CELSR1: variants seen among roughly 807,000 people sequenced by gnomAD.
CELSR1 encodes cadherin EGF LAG seven-pass G-type receptor 1.
Under a neutral mutation model 249.1 loss-of-function variants are expected in CELSR1, and 110 were observed. The observed-to-expected ratio is 0.44, with a 90% CI of 0.38 to 0.52. CELSR1 has a LOEUF of 0.52. Among genes scored for constraint, CELSR1 ranks in the 20% least tolerant of loss-of-function variants. The probability of loss-of-function intolerance (pLI) is 0.00; values close to 1 mark genes in which losing one functional copy is unlikely to be tolerated. For synonymous variants in CELSR1, 2,113 were observed against 1,900.0 expected (o/e 1.11, Z -2.92); for missense variants, 4,109 against 4,296.4 (o/e 0.96, Z 1.22).
intron 31 of CELSR1, 58 bp from the exon 32 acceptor site, chr22:46,365,438 G>A (rs986311574): frequency 4.1e-5 from 66 of 1,595,968 alleles, no homozygotes; most frequent in Middle Eastern, 1.7e-4. Context: ...GAGTCCCACC[G>A]AGGGCCAAGC....
chr22:46,536,723 G>T lies in CELSR1; in HGVS notation c.448C>A (p.Pro150Thr). Residue 150 changes from proline to threonine, a missense_variant, in exon 1 of 35, where the codon CCG becomes ACG. This residue lies in a region of CELSR1 where 673 missense variants were observed against 636.8 expected (regional missense o/e 1.06). Transcript: ENST00000674500. ...CAGCGGCAGGCGGGTAAGGTGGTCG[G>T]AGCTGCGAGCGCCGAATGCTGCGCG... Reference protein sequence around the residue: ...AAAQHSALAAPTTLPACRCPP... With the variant: ...AAAQHSALAATTTLPACRCPP... 1 of 1,179,280 alleles carries T rather than the reference G, an allele frequency of 8.5e-7. No individual in the cohort carries two copies. The highest frequency in any genetic ancestry group is 4.7e-5 in the Admixed American group (1 of 21,364). 73.1% of individuals were successfully genotyped at this position (1,179,280 alleles called of 1,614,324 possible).
intron 22 of CELSR1, 83 bp from the exon 23 acceptor site, chr22:46,378,800 T>C: frequency 1.3e-6 from 2 of 1,521,656 alleles, no homozygotes; most frequent in Non-Finnish European, 8.9e-7. Context: ...TGCCCAGCCC[T>C]GGGGGCTCCC....
Position 46,472,222 on chromosome 22 carries a change from ACAT to A in CELSR1, c.3545-7880_3545-7878del, listed in dbSNP as rs2080163022. Among the ~76,000 whole-genome samples the A allele has an allele frequency of 6.6e-6, 1 of 152,216 alleles. No homozygotes were observed. The highest frequency in any genetic ancestry group is 6.5e-5 in the Admixed American group (1 of 15,276). On this transcript the variant is annotated intron_variant, in intron 1 of 34. Coordinates refer to ENST00000674500, the MANE Select transcript of CELSR1 (RefSeq NM_001378328.1). This position sits in a 1 kb window ranked among gnomAD's most constrained non-coding sequence, Gnocchi z 7.0. ...GGCAGGTGCTGTACAAACGTGAACC[ACAT>A]CATGGGAAGGAACTTTCTGGGTCTT...
Position 46,363,357 on chromosome 22 carries a change from G to T in CELSR1, c.9036-110C>A. ...GCAGGATCACCCCATCAGGGTAGAG[G>T]GGGCGTCTGGGGGCTCCAGGGAGGG... On this transcript the variant is annotated intron_variant, in intron 34 of 34. Transcript: ENST00000674500. This position sits in a 1 kb window ranked among gnomAD's most constrained non-coding sequence, Gnocchi z 4.3. 1.2e-6 allele frequency: 1 copy of T among 843,014 alleles called. No homozygotes were observed. The highest frequency in any genetic ancestry group is 1.9e-6 in the Non-Finnish European group (1 of 538,904). The allele number at this position is 843,014 out of a possible 1,614,324, so 52.2% of individuals were successfully genotyped here.
chr22:46,403,064 T>A (rs535713760), intron 9 of CELSR1, among the ~76,000 whole-genome samples: 4 of 152,182 alleles, frequency 2.6e-5, no homozygotes, highest in African/African-American at 4.8e-5. Flanking sequence ...AGGAATTTCA[T>A]AATGATAACC....
chr22:46,477,569 G>A (rs1264463864), intron 1 of CELSR1, among the ~76,000 whole-genome samples: 3 of 149,574 alleles, frequency 2.0e-5, no homozygotes, highest in African/African-American at 7.4e-5. Context: ...GAGTGCAGTG[G>A]CACAATCGGC....
intron 2 of CELSR1, among the ~76,000 whole-genome samples, chr22:46,455,790 G>C (rs1344420368): frequency 6.6e-6 from 1 of 152,184 alleles, no homozygotes; most frequent in African/African-American, 2.4e-5. Flanking sequence ...CCCCAGCTTT[G>C]GGGAAAGAAA....
At chr22:46,442,286 T>C (rs1189151775) in intron 2 of CELSR1, among the ~76,000 whole-genome samples, 3 of 152,374 alleles carry the variant, frequency 2.0e-5, no homozygotes, top group East Asian at 3.9e-4. Flanking sequence ...TGCACTCAGA[T>C]TCCGCCTCCC....
Position 46,411,628 on chromosome 22 carries a change from G to A in CELSR1, c.4743C>T (p.Ala1581=). 6.2e-7 allele frequency: 1 copy of A among 1,614,172 alleles called. No homozygotes were observed. Among genetic ancestry groups the A allele is most frequent in the Non-Finnish European group, 8.5e-7 (1 of 1,180,024 alleles). ...TCTTGGAGCCGGTCTGAGTGCCCTG[G>A]GCAGCGCAGCTGTAGTTCCCGATGT... is the stretch of plus-strand genomic sequence containing the variant. ...GKDIGNYSCA[A]QGTQTGSKKS... The change falls in exon 6 of 35, where the codon GCC becomes GCT. Residue 1581 remains alanine (A), a synonymous_variant. Transcript: ENST00000674500. This position sits in a 1 kb window ranked among gnomAD's most constrained non-coding sequence, Gnocchi z 4.2.
Position 46,454,840 on chromosome 22 carries a change from G to A in CELSR1, c.4183+8867C>T, listed in dbSNP as rs549876800. Among the ~76,000 whole-genome samples the A allele has an allele frequency of 2.3e-4, 35 of 152,348 alleles. No individual in the cohort carries two copies. The highest frequency in any genetic ancestry group is 8.2e-4 in the African/African-American group (34 of 41,584). ...TTCCCAAACTCCTTAGCTCCTCAGC[G>A]AAGGAGCACCCACGGCTGAATTGTG... On this transcript the variant is annotated intron_variant, in intron 2 of 34. Transcript: ENST00000674500. This position sits in a 1 kb window ranked among gnomAD's most constrained non-coding sequence, Gnocchi z 5.1.
In CELSR1 at chr22:46,429,362, A is replaced by G. The variant is rs956020561; in HGVS notation, c.4611+4031T>C. ...GAAAAAACAAACAAACAAACAAACA[A>G]AAAACCAGCCTGGGGTGAAGCAACG... is the stretch of plus-strand genomic sequence containing the variant. On this transcript the variant is annotated intron_variant, in intron 5 of 34. Transcript: ENST00000674500. The surrounding 1 kb of genome is among the most constrained non-coding windows in gnomAD (Gnocchi z 4.1). 6.6e-6 allele frequency among the ~76,000 whole-genome samples: 1 copy of G among 152,116 alleles called. No homozygotes were observed. The highest frequency in any genetic ancestry group is 1.5e-5 in the Non-Finnish European group (1 of 68,020).
intron 1 of CELSR1, among the ~76,000 whole-genome samples, chr22:46,486,768 G>A (rs1021428571): frequency 1.6e-4 from 24 of 151,922 alleles, no homozygotes; most frequent in African/African-American, 5.1e-4. Context: ...GCTTGAACCC[G>A]GGAGGTGGAG....
Position 46,464,050 on chromosome 22 carries a change from C to T in CELSR1, c.3840G>A (p.Leu1280=), listed in dbSNP as rs1031821223. 4 of 1,613,780 alleles carry T rather than the reference C, an allele frequency of 2.5e-6. No individual in the cohort carries two copies. The Admixed American group carries it at 6.7e-5, about 27-fold the overall frequency. Residue 1280 remains leucine (L), a synonymous_variant, in exon 2 of 35, where the codon CTG becomes CTA. Transcript: ENST00000674500. The surrounding 1 kb of genome is among the most constrained non-coding windows in gnomAD (Gnocchi z 8.5). ...TCCGATTCAGGTAGATCTGCTCCTG[C>T]AGGTCCTCCGACGGGAAGAACTGGC... ...VRGQFFPSED[L]QEQIYLNRTL...
At chr22:46,479,569 G>A (rs781184115) in intron 1 of CELSR1, among the ~76,000 whole-genome samples, 1 of 149,948 alleles carries the variant, frequency 6.7e-6, no homozygotes, top group Non-Finnish European at 1.5e-5. Flanking sequence ...GGGTTCCAGG[G>A]GCCAGGGATA....
rs372134553 is a variant in CELSR1, at chr22:46,409,146, C to G, written c.5076G>C (p.Gln1692His). The change falls in exon 9 of 35, where the codon CAG becomes CAC. Residue 1692 changes from glutamine to histidine, a missense_variant. Gln to His is a conservative substitution (Grantham distance 24, BLOSUM62 0). Transcript: ENST00000674500. This position sits in a 1 kb window ranked among gnomAD's most constrained non-coding sequence, Gnocchi z 9.8. Reference sequence around the variant, plus strand: ...ACACGACGCTCTCACCGCTGAAGAGCTGGGGGTGAGGCATGGCTGCGGACA... The same window carrying G: ...ACACGACGCTCTCACCGCTGAAGAGGTGGGGGTGAGGCATGGCTGCGGACA... ...KNCEQAMPHPQLFSGESVVSW... is the reference protein window; with the variant it reads ...KNCEQAMPHPHLFSGESVVSW... 1 of 1,613,018 alleles carries G rather than the reference C, an allele frequency of 6.2e-7. No homozygotes were observed. Among genetic ancestry groups the G allele is most frequent in the African/African-American group, 1.3e-5 (1 of 74,884 alleles).
intron 5 of CELSR1, among the ~76,000 whole-genome samples, chr22:46,425,543 A>G (rs2079527177): frequency 6.6e-6 from 1 of 152,194 alleles, no homozygotes; most frequent in South Asian, 2.1e-4. Flanking sequence ...TGGTCCGTGC[A>G]TCTGGGTTTT....
At chr22:46,455,471 C>G (rs2079937229) in intron 2 of CELSR1, among the ~76,000 whole-genome samples, 1 of 152,180 alleles carries the variant, frequency 6.6e-6, no homozygotes, top group African/African-American at 2.4e-5. Flanking sequence ...CTCAGGTGAT[C>G]CACCTGCCTC....
intron 1 of CELSR1, among the ~76,000 whole-genome samples, chr22:46,478,135 G>A (rs1225153197): frequency 6.6e-6 from 1 of 152,190 alleles, no homozygotes; most frequent in African/African-American, 2.4e-5. Context: ...CAGGAGCCCG[G>A]GAAGCACCGA....
chr22:46,453,191 T>C (rs930063614), intron 2 of CELSR1, among the ~76,000 whole-genome samples: 1 of 152,118 alleles, frequency 6.6e-6, no homozygotes, highest in Non-Finnish European at 1.5e-5. Context: ...CAGGCAGCTG[T>C]GCACAGCAGG....
Sources: gnomAD v4.1 joint callset for allele counts (sites outside exome capture counted in the v4.1 genomes callset) on GRCh38, gnomAD v4.1.1 for gene constraint, gnomAD v4.1.1 regional missense constraint, Gnocchi (gnomAD v3.1) non-coding constraint, MANE v1.5 for transcripts, NCBI Gene and HGNC (gene_info 2026-07-23, HGNC 2026-07-21) for gene names.